Variants in MSH3 observed in about 807,000 individuals in gnomAD.
MSH3 encodes the protein mutS homolog 3.
Under a neutral mutation model 123.3 loss-of-function variants are expected in MSH3, and 106 were observed. The ratio of observed to expected loss-of-function variants is 0.86; its 90% confidence interval spans 0.73 to 1.01. The LOEUF is 1.01. Among genes scored for constraint, MSH3 ranks in the 50% least tolerant of loss-of-function variants. The pLI, the probability that MSH3 is intolerant of heterozygous loss-of-function variation, is 0.00. For synonymous variants in MSH3, 515 were observed against 481.4 expected (o/e 1.07, Z -0.91); for missense variants, 1,459 against 1,347.6 (o/e 1.08, Z -1.29).
intron 12 of MSH3, among the ~76,000 whole-genome samples, chr5:80,747,988 A>G (rs1360279240): frequency 6.6e-6 from 1 of 152,206 alleles, no homozygotes; most frequent in Non-Finnish European, 1.5e-5. Flanking sequence ...TACTGACATA[A>G]GTGCCTTACT....
At chr5:80,749,684 ATATC>A (rs1244788773) in intron 12 of MSH3, among the ~76,000 whole-genome samples, 2 of 152,206 alleles carry the variant, frequency 1.3e-5, no homozygotes, top group African/African-American at 4.8e-5. Context: ...GCTAATTAAT[ATATC>A]TATCACCTCA....
intron 8 of MSH3, among the ~76,000 whole-genome samples, chr5:80,699,558 C>CAAAAAA (rs55795731): frequency 2.5e-5 from 2 of 78,530 alleles, no homozygotes; most frequent in Admixed American, 3.2e-4. Context: ...ACACTGTCTC[C>CAAAAAA]AAAAAAAAAA....
intron 8 of MSH3, among the ~76,000 whole-genome samples, chr5:80,707,942 C>T (rs994286169): frequency 6.6e-6 from 1 of 152,056 alleles, no homozygotes; most frequent in African/African-American, 2.4e-5. Flanking sequence ...TTTTCATGTG[C>T]CTATTGGTTA....
intron 20 of MSH3, among the ~76,000 whole-genome samples, chr5:80,825,452 C>T (rs1304299354): frequency 6.6e-6 from 1 of 152,056 alleles, no homozygotes; most frequent in African/African-American, 2.4e-5. Flanking sequence ...ATTAATTTTT[C>T]CCTAATTATG....
intron 10 of MSH3, among the ~76,000 whole-genome samples, chr5:80,734,930 C>T (rs919834073): frequency 6.6e-6 from 1 of 152,202 alleles, no homozygotes; most frequent in African/African-American, 2.4e-5. Context: ...AGTTTTCCCC[C>T]TCATGTGTTT....
intron 20 of MSH3, among the ~76,000 whole-genome samples, chr5:80,851,694 A>T (rs963481403): frequency 2.0e-5 from 3 of 152,202 alleles, no homozygotes; most frequent in Non-Finnish European, 4.4e-5. Context: ...TCATCTATAT[A>T]GCTTGGTATG....
intron 12 of MSH3, among the ~76,000 whole-genome samples, chr5:80,756,077 A>G (rs937468190): frequency 6.6e-6 from 1 of 152,166 alleles, no homozygotes; most frequent in Non-Finnish European, 1.5e-5. Context: ...AATAAATACT[A>G]TCAAAAGGGC....
At chr5:80,859,712 C>CTTTTTTTT (rs373044585) in intron 21 of MSH3, among the ~76,000 whole-genome samples, 125 of 129,930 alleles carry the variant, frequency 9.6e-4, no homozygotes, top group African/African-American at 1.4e-3. Context: ...CATTTTCTCT[C>CTTTTTTTT]TTTTTTTTTT....
intron 8 of MSH3, among the ~76,000 whole-genome samples, chr5:80,691,864 C>CGTGT (rs1750264598): frequency 1.1e-4 from 15 of 142,386 alleles, no homozygotes; most frequent in Middle Eastern, 4.1e-3. Context: ...TATAGCTAAA[C>CGTGT]ATGTATGTTT....
intron 22 of MSH3, among the ~76,000 whole-genome samples, chr5:80,869,408 T>C (rs33001): frequency 0.86 from 131,362 of 152,160 alleles, 56,792 homozygotes; most frequent in East Asian, 1. Flanking sequence ...TGTAAAGAAA[T>C]AGAGTTTTTC....
At chr5:80,812,898 G>T (rs1386190885) in intron 19 of MSH3, among the ~76,000 whole-genome samples, 2 of 152,090 alleles carry the variant, frequency 1.3e-5, no homozygotes, top group Non-Finnish European at 2.9e-5. Flanking sequence ...GCCAAAATGT[G>T]GGATTCACAT....
intron 21 of MSH3, among the ~76,000 whole-genome samples, chr5:80,859,886 T>G (rs1745987036): frequency 6.6e-6 from 1 of 152,088 alleles, no homozygotes; most frequent in Admixed American, 6.5e-5. Flanking sequence ...CTATTTTCTC[T>G]CCTTTCTTAG....
chr5:80,657,042 T>C (rs374884323), intron 2 of MSH3, among the ~76,000 whole-genome samples: 2 of 151,974 alleles, frequency 1.3e-5, no homozygotes, highest in Non-Finnish European at 2.9e-5. Flanking sequence ...TTCTACTTAA[T>C]AGAAAATTTT....
chr5:80,733,449 A>T (rs1743447633), intron 10 of MSH3, among the ~76,000 whole-genome samples: 1 of 152,166 alleles, frequency 6.6e-6, no homozygotes, highest in South Asian at 2.1e-4. Flanking sequence ...CAAAAACACA[A>T]GTGAGAAAAG....
intron 8 of MSH3, among the ~76,000 whole-genome samples, chr5:80,691,340 A>G (rs940970228): frequency 3.3e-5 from 5 of 151,960 alleles, no homozygotes; most frequent in South Asian, 2.1e-4. Flanking sequence ...ATACTATTTA[A>G]AATAGCAACC....
At chr5:80,668,058 G>A (rs573442330) in intron 3 of MSH3, among the ~76,000 whole-genome samples, 27 of 152,312 alleles carry the variant, frequency 1.8e-4, no homozygotes, top group African/African-American at 6.3e-4. Context: ...GGGGAGACCC[G>A]CAGTGGGTGC....
chr5:80,811,652 G>A (rs1433319130), intron 19 of MSH3, among the ~76,000 whole-genome samples: 1 of 152,222 alleles, frequency 6.6e-6, no homozygotes, highest in African/African-American at 2.4e-5. Flanking sequence ...CAAGAATTCA[G>A]TAGGGATGTT....
rs1410386579 is a variant in MSH3, at chr5:80,759,500, TGGAACTTAGA to T, written c.1764-2044_1764-2035del. ...GTCATTGAAAGATATGCAGTCTGACTGGAACTTAGAGTAGGAGGAAGAGAGTGACACATGA... is the reference window on the plus strand; with the variant it reads ...GTCATTGAAAGATATGCAGTCTGACTGTAGGAGGAAGAGAGTGACACATGA... On this transcript the variant is annotated intron_variant, in intron 12 of 23. Transcript: ENST00000265081. Among the ~76,000 whole-genome samples the T allele has an allele frequency of 2.6e-5, 4 of 152,304 alleles. No homozygotes were observed. In the South Asian group the frequency reaches 6.2e-4, roughly 24 times the overall value.
intron 20 of MSH3, among the ~76,000 whole-genome samples, chr5:80,853,134 T>C (rs907286133): frequency 6.6e-6 from 1 of 152,092 alleles, no homozygotes; most frequent in African/African-American, 2.4e-5. Flanking sequence ...TCAGGGACCA[T>C]GGTTAAATCA....
Sources: allele counts gnomAD v4.1 joint callset (sites outside exome capture counted in the v4.1 genomes callset), GRCh38; gene constraint gnomAD v4.1.1; transcripts MANE v1.5; gene names NCBI Gene and HGNC (gene_info 2026-07-23, HGNC 2026-07-21).